MAP4K4: variants seen among roughly 807,000 people sequenced by gnomAD.
MAP4K4 encodes HPK/GCK-like kinase HGK.
MAP4K4 carries 38 observed loss-of-function variants against 189.6 expected under a neutral mutation model. That is an observed-to-expected ratio of 0.20 (90% CI 0.15 to 0.26). The LOEUF (loss-of-function observed/expected upper bound fraction) is 0.26. MAP4K4 is among the 10% of genes least tolerant of loss of function. The pLI is 1.00. For synonymous variants in MAP4K4, 610 were observed against 624.3 expected (o/e 0.98, Z 0.34); for missense variants, 1,054 against 1,726.9 (o/e 0.61, Z 6.91).
chr2:101,703,637 A>G (rs2040311263), intron 2 of MAP4K4, among the ~76,000 whole-genome samples: 1 of 149,442 alleles, frequency 6.7e-6, no homozygotes, highest in Non-Finnish European at 1.5e-5. Flanking sequence ...AAAAAAAAAA[A>G]AGGCGGGGGT....
chr2:101,871,000 A>G (rs1475588646), intron 23 of MAP4K4, among the ~76,000 whole-genome samples: 1 of 152,164 alleles, frequency 6.6e-6, no homozygotes, highest in Non-Finnish European at 1.5e-5. Context: ...CTGTCTGTTC[A>G]TTTCTTAGCT....
chr2:101,798,755 C>T (rs185480072), intron 3 of MAP4K4, among the ~76,000 whole-genome samples: 47 of 152,264 alleles, frequency 3.1e-4, no homozygotes, highest in African/African-American at 1.0e-3. Context: ...GCATGAGTTC[C>T]GTGCACTTGG....
At chr2:101,789,668 A>G (rs2092500952) in intron 2 of MAP4K4, among the ~76,000 whole-genome samples, 1 of 152,206 alleles carries the variant, frequency 6.6e-6, no homozygotes. Context: ...CTTTTGGAAA[A>G]TATGGGGATG....
At chr2:101,750,309 A>G (rs1574862034) in intron 2 of MAP4K4, among the ~76,000 whole-genome samples, 1 of 128,868 alleles carries the variant, frequency 7.8e-6, no homozygotes, top group South Asian at 2.9e-4. Flanking sequence ...GCACATATAC[A>G]CCATGGAATA....
At chr2:101,770,565 C>T (rs1175112321) in intron 2 of MAP4K4, among the ~76,000 whole-genome samples, 1 of 152,226 alleles carries the variant, frequency 6.6e-6, no homozygotes, top group Non-Finnish European at 1.5e-5. Context: ...GTGTGAACCA[C>T]TGCGCCCCCT....
chr2:101,847,146 A>G (rs558178573), intron 12 of MAP4K4, among the ~76,000 whole-genome samples: 5 of 152,306 alleles, frequency 3.3e-5, no homozygotes, highest in African/African-American at 1.2e-4. Context: ...AGCCATTGTA[A>G]CGTGTAATGG....
chr2:101,823,253 C>G (rs1306029131), intron 3 of MAP4K4, among the ~76,000 whole-genome samples: 1 of 152,210 alleles, frequency 6.6e-6, no homozygotes, highest in Non-Finnish European at 1.5e-5. Flanking sequence ...GTTTCTTCCT[C>G]TGCTCATCTT....
At chr2:101,761,694 T>A (rs904320996) in intron 2 of MAP4K4, among the ~76,000 whole-genome samples, 26 of 152,132 alleles carry the variant, frequency 1.7e-4, no homozygotes, top group Admixed American at 1.4e-3. Context: ...TAGCTGGGAT[T>A]ACAGGTGCAC....
intron 6 of MAP4K4, 63 bp from the exon 7 acceptor site, chr2:101,831,658 C>T (rs1161209885): frequency 5.9e-6 from 9 of 1,528,374 alleles, no homozygotes; most frequent in Non-Finnish European, 8.0e-6. Context: ...TGTTTTTTCC[C>T]AAGTATATCT....
intron 3 of MAP4K4, among the ~76,000 whole-genome samples, chr2:101,817,861 G>T (rs1265455024): frequency 1.3e-5 from 2 of 152,060 alleles, no homozygotes; most frequent in African/African-American, 2.4e-5. Context: ...TAATTTTTCC[G>T]TCAGTTTTTA....
chr2:101,893,018 C>T (rs1443319522), exon 33 of MAP4K4: 3 of 456,264 alleles, frequency 6.6e-6, no homozygotes, highest in Non-Finnish European at 1.3e-5. Context: ...GGTTAATTTT[C>T]CTGTATATTG....
intron 2 of MAP4K4, among the ~76,000 whole-genome samples, chr2:101,772,842 T>G (rs960446480): frequency 1.3e-5 from 2 of 152,180 alleles, no homozygotes; most frequent in Non-Finnish European, 2.9e-5. Context: ...CTCCTTGATA[T>G]GGGTACAGAT....
In MAP4K4 at chr2:101,790,718, A is replaced by G; in HGVS notation, c.124-2A>G. ...TTTTGATCTATTTTTTCTGTTTTTCAGGGTCGACATGTTAAAACGGGTCAG... is the reference window on the plus strand; with the variant it reads ...TTTTGATCTATTTTTTCTGTTTTTCGGGGTCGACATGTTAAAACGGGTCAG... On this transcript the variant is annotated splice_acceptor_variant, in intron 2 of 32. Coordinates refer to ENST00000324219, the Ensembl canonical transcript of MAP4K4. LOFTEE classifies it high-confidence loss of function. 1 of 1,606,888 alleles carries G rather than the reference A, an allele frequency of 6.2e-7. No individual in the cohort carries two copies. The highest frequency in any genetic ancestry group is 8.5e-7 in the Non-Finnish European group (1 of 1,175,878).
intron 28 of MAP4K4, among the ~76,000 whole-genome samples, chr2:101,883,654 A>C (rs1164049607): frequency 6.6e-6 from 1 of 152,192 alleles, no homozygotes; most frequent in Non-Finnish European, 1.5e-5. Flanking sequence ...TATATACCTA[A>C]AACTGATTAA....
intron 15 of MAP4K4, 59 bp from the exon 16 acceptor site, chr2:101,860,766 T>G: frequency 4.3e-6 from 6 of 1,379,482 alleles, no homozygotes; most frequent in Non-Finnish European, 4.9e-6. Context: ...AGACTTTCTT[T>G]GATATTTCTG....
intron 25 of MAP4K4, 43 bp downstream of exon 25, chr2:101,873,807 T>G: frequency 7.1e-7 from 1 of 1,401,366 alleles, no homozygotes; most frequent in Non-Finnish European, 1.0e-6. Flanking sequence ...AAATGGGACT[T>G]TATCTTTGAG....
At chr2:101,798,686 T>C (rs971473246) in intron 3 of MAP4K4, among the ~76,000 whole-genome samples, 2 of 152,226 alleles carry the variant, frequency 1.3e-5, no homozygotes, top group African/African-American at 4.8e-5. Context: ...CAATGCTATA[T>C]AAGTAGTAGA....
intron 3 of MAP4K4, among the ~76,000 whole-genome samples, chr2:101,800,141 A>AT (rs35560102): frequency 1.3e-5 from 2 of 151,706 alleles, no homozygotes; most frequent in African/African-American, 4.9e-5. Context: ...AAAAATAATA[A>AT]TTTTTTGAGA....
At chr2:101,699,527 G>C (rs1429373746) in intron 2 of MAP4K4, among the ~76,000 whole-genome samples, 1 of 152,126 alleles carries the variant, frequency 6.6e-6, no homozygotes, top group African/African-American at 2.4e-5. Flanking sequence ...TGTTAGAGTC[G>C]GTACAAGGTT....
Sources: allele counts gnomAD v4.1 joint callset (sites outside exome capture counted in the v4.1 genomes callset), GRCh38; gene constraint gnomAD v4.1.1; transcripts MANE v1.5; gene names NCBI Gene and HGNC (gene_info 2026-07-23, HGNC 2026-07-21).